The following TTLL9 variants were observed in gnomAD, a reference collection of about 807,000 sequenced individuals.
TTLL9 encodes the protein probable tubulin polyglutamylase TTLL9.
Under a neutral mutation model 65.6 loss-of-function variants are expected in TTLL9, and 47 were observed. The observed-to-expected ratio is 0.72, with a 90% CI of 0.57 to 0.91. The LOEUF is 0.91. Among genes scored for constraint, TTLL9 ranks in the 40% least tolerant of loss-of-function variants. TTLL9 has a pLI of 0.00. For synonymous variants in TTLL9, 179 were observed against 204.8 expected, an observed-to-expected ratio of 0.87 and a Z score of 1.07; for missense variants, 537 against 568.8, an observed-to-expected ratio of 0.94 and a Z score of 0.57.
chr20:31,903,765 A>T (rs2063510863), intron 4 of TTLL9, among the ~76,000 whole-genome samples: 1 of 152,236 alleles, frequency 6.6e-6, no homozygotes, highest in South Asian at 2.1e-4. Flanking sequence ...CTCTTTTAGC[A>T]GTTTTACCAC....
rs1024438184 is a variant in TTLL9 at position 31,918,883 on chromosome 20, A to G, written c.505-981A>G. Among the ~76,000 whole-genome samples, 13 of 152,350 alleles carry G rather than the reference A, an allele frequency of 8.5e-5. No homozygotes were observed. In the East Asian group the frequency reaches 1.9e-3, roughly 23 times the overall value. On this transcript the variant is annotated intron_variant, in intron 6 of 14. Coordinates refer to ENST00000535842, the MANE Select transcript of TTLL9 (RefSeq NM_001008409.5). Reference sequence around the variant, plus strand: ...AGTCTTCTGGGCCCACACAACCCTGAACCATGGTGCACAGCATGGCAGGCA... The same window carrying G: ...AGTCTTCTGGGCCCACACAACCCTGGACCATGGTGCACAGCATGGCAGGCA...
chr20:31,929,362 G>A (rs2063966273), intron 10 of TTLL9, among the ~76,000 whole-genome samples: 1 of 152,106 alleles, frequency 6.6e-6, no homozygotes, highest in Non-Finnish European at 1.5e-5. Flanking sequence ...TAATAAAAGT[G>A]GTATAGCTCA....
At chr20:31,873,824 G>GAAAGAAAGAAAGAAAGAAAGAA (rs2062993790) in intron 2 of TTLL9, among the ~76,000 whole-genome samples, 6 of 44,232 alleles carry the variant, frequency 1.4e-4, no homozygotes, top group African/African-American at 5.9e-4. Context: ...AAGGAAGGAA[G>GAAAGAAAGAAAGAAAGAAAGAA]AAAGAAAGAA....
At chr20:31,895,596 G>A (rs1220234969) in intron 3 of TTLL9, among the ~76,000 whole-genome samples, 2 of 152,136 alleles carry the variant, frequency 1.3e-5, no homozygotes, top group Non-Finnish European at 2.9e-5. Flanking sequence ...GAGAGCAGTG[G>A]TGTGATCTCG....
intron 10 of TTLL9, 50 bp downstream of exon 10, chr20:31,926,141 G>A (rs897308460): frequency 2.2e-6 from 3 of 1,347,590 alleles, no homozygotes; most frequent in Non-Finnish European, 2.1e-6. Context: ...AGTTTTGTGG[G>A]GGTGATTCCA....
chr20:31,910,173 C>A (rs2063625551), intron 6 of TTLL9, among the ~76,000 whole-genome samples: 1 of 152,246 alleles, frequency 6.6e-6, no homozygotes, highest in African/African-American at 2.4e-5. Flanking sequence ...AATTTGGAAC[C>A]TGTCTTCCTG....
In TTLL9 at chr20:31,898,466, C is replaced by T. The variant is rs1336702240; in HGVS notation, c.114-7C>T. The stretch of plus-strand genomic sequence containing the variant: ...CCTGAGCAAATGTTCATTGCCTTGT[C>T]TTGCAGAGAGCAGAGAGCATCGATC... On this transcript the variant is annotated splice_polypyrimidine_tract_variant and splice_region_variant and intron_variant, in intron 3 of 14. Transcript: ENST00000535842. 2 of 1,613,918 alleles carry T rather than the reference C, an allele frequency of 1.2e-6. No individual in the cohort carries two copies. Among genetic ancestry groups the T allele is most frequent in the Admixed American group, 3.3e-5 (2 of 60,022 alleles).
intron 2 of TTLL9, chr20:31,879,742 C>A: frequency 3.5e-6 from 5 of 1,409,066 alleles, no homozygotes; most frequent in Non-Finnish European, 4.8e-6. Context: ...CCAGAGCCTG[C>A]GCACTCCGCC....
At chr20:31,900,029 G>A (rs909335584) in intron 4 of TTLL9, among the ~76,000 whole-genome samples, 1 of 152,128 alleles carries the variant, frequency 6.6e-6, no homozygotes, top group Non-Finnish European at 1.5e-5. Context: ...TGAAGTGCTG[G>A]GATTACAGGC....
intron 2 of TTLL9, chr20:31,873,158 G>A (rs1464828388): frequency 2.8e-5 from 11 of 394,840 alleles, no homozygotes; most frequent in South Asian, 1.3e-4. Context: ...CAGATTGACT[G>A]GATGTGGGGG....
chr20:31,927,678 C>T (rs780946727), intron 10 of TTLL9, among the ~76,000 whole-genome samples: 2 of 152,064 alleles, frequency 1.3e-5, no homozygotes, highest in Non-Finnish European at 2.9e-5. Context: ...AGGCCTGAGC[C>T]TCAGAAGAAA....
At chr20:31,874,137 A>G (rs2063005584) in intron 2 of TTLL9, among the ~76,000 whole-genome samples, 1 of 152,228 alleles carries the variant, frequency 6.6e-6, no homozygotes, top group African/African-American at 2.4e-5. Flanking sequence ...TGTACTGTTC[A>G]GCCTTTGGAA....
chr20:31,936,898 C>T (rs2064118180), intron 12 of TTLL9, among the ~76,000 whole-genome samples: 1 of 151,910 alleles, frequency 6.6e-6, no homozygotes, highest in Non-Finnish European at 1.5e-5. Flanking sequence ...GAGTTTGAGA[C>T]CAGCTCGACC....
At chr20:31,899,927 A>AT (rs1228158169) in intron 4 of TTLL9, among the ~76,000 whole-genome samples, 6 of 151,892 alleles carry the variant, frequency 4.0e-5, no homozygotes, top group African/African-American at 1.5e-4. Context: ...CGACCAGCTA[A>AT]TTTTTTGTAT....
intron 2 of TTLL9, among the ~76,000 whole-genome samples, chr20:31,880,256 T>TGCCCGTCCATCCGTCC (rs2063098571): frequency 1.3e-5 from 2 of 152,062 alleles, no homozygotes; most frequent in East Asian, 3.9e-4. Flanking sequence ...GAAACCCGCC[T>TGCCCGTCCATCCGTCC]GCCCGTCCAT....
chr20:31,873,957 T>TCCTAGG (rs1158753583), intron 2 of TTLL9, among the ~76,000 whole-genome samples: 1 of 152,196 alleles, frequency 6.6e-6, no homozygotes, highest in Non-Finnish European at 1.5e-5. Flanking sequence ...AGCTCTGCGA[T>TCCTAGG]CCTAGGCGGG....
chr20:31,937,918 A>G lies in TTLL9; in HGVS notation c.1118+409A>G, dbSNP rs1327643846. ...TTAGCTAACAGTAAGTGCTCAATACAAAGCTATTGTTTTAACAATGTGCAA... is the reference window on the plus strand; with the variant it reads ...TTAGCTAACAGTAAGTGCTCAATACGAAGCTATTGTTTTAACAATGTGCAA... On this transcript the variant is annotated intron_variant, in intron 13 of 14. Coordinates refer to ENST00000535842, the MANE Select transcript of TTLL9 (RefSeq NM_001008409.5). 2.0e-5 allele frequency among the ~76,000 whole-genome samples: 3 copies of G among 152,084 alleles called. No homozygotes were observed. In the East Asian group the frequency reaches 5.8e-4, roughly 29 times the overall value.
At chr20:31,874,409 CTTTTT>C (rs34362219) in intron 2 of TTLL9, among the ~76,000 whole-genome samples, 1 of 123,032 alleles carries the variant, frequency 8.1e-6, no homozygotes, top group African/African-American at 3.1e-5. Context: ...ATTAGCTGAT[CTTTTT>C]TTTTTTTTTT....
At chr20:31,917,664 C>T (rs1245917201) in intron 6 of TTLL9, among the ~76,000 whole-genome samples, 1 of 152,004 alleles carries the variant, frequency 6.6e-6, no homozygotes, top group East Asian at 1.9e-4. Context: ...TCCACATCCT[C>T]ACCAATACTT....
Sources: gnomAD v4.1 joint callset for allele counts (sites outside exome capture counted in the v4.1 genomes callset) on GRCh38, gnomAD v4.1.1 for gene constraint, MANE v1.5 for transcripts, NCBI Gene and HGNC (gene_info 2026-07-23, HGNC 2026-07-21) for gene names.